SCAPER: variants seen among roughly 807,000 people sequenced by gnomAD.
SCAPER encodes S-phase cyclin A associated protein in the ER.
Under a neutral mutation model 182.2 loss-of-function variants are expected in SCAPER, and 98 were observed. The observed-to-expected ratio is 0.54, with a 90% CI of 0.46 to 0.64. SCAPER has a LOEUF of 0.64. Ranked by LOEUF, SCAPER falls within the 30% of genes least tolerant of loss-of-function variation. SCAPER has a pLI of 0.00. For synonymous variants in SCAPER, 605 were observed against 564.6 expected (o/e 1.07, Z -1.01); for missense variants, 1,432 against 1,690.0 (o/e 0.85, Z 2.68).
chr15:76,767,126 A>T (rs1323310106), intron 10 of SCAPER, 38 bp from the exon 11 acceptor site: 1 of 1,498,890 alleles, frequency 6.7e-7, no homozygotes, highest in Non-Finnish European at 9.0e-7. Context: ...AAGAAAAATG[A>T]TCACTTGACT....
At chr15:76,733,411 T>G in intron 15 of SCAPER, 27 bp from the exon 16 acceptor site, 1 of 1,604,646 alleles carries the variant, frequency 6.2e-7, no homozygotes, top group Non-Finnish European at 8.5e-7. Context: ...AAGGTAAGGT[T>G]CAGATCAAGT....
rs151039403 is a variant in SCAPER, at chr15:76,823,406, G to T, written c.393+18328C>A. Reference sequence around the variant, plus strand: ...ACTTGGGAGGCGGAGGTTCCAGTGAGCCCAGATCACACCACTGCACTCCAG... The same window carrying T: ...ACTTGGGAGGCGGAGGTTCCAGTGATCCCAGATCACACCACTGCACTCCAG... On this transcript the variant is annotated intron_variant, in intron 5 of 31. Coordinates refer to ENST00000563290, the MANE Select transcript of SCAPER (RefSeq NM_020843.4). Among the ~76,000 whole-genome samples, 1,217 of 151,946 alleles carry T rather than the reference G, an allele frequency of 8.0e-3. 13 individuals carry two copies. Among genetic ancestry groups the T allele is most frequent in the African/African-American group, 0.028 (1,153 of 41,402 alleles).
At chr15:76,652,401 T>C (rs1319985669) in intron 21 of SCAPER, among the ~76,000 whole-genome samples, 10 of 58,258 alleles carry the variant, frequency 1.7e-4, no homozygotes, top group African/African-American at 7.1e-4. Context: ...TATATATATA[T>C]AGCACTTTGG....
chr15:76,820,173 C>T (rs1389741668), intron 5 of SCAPER, among the ~76,000 whole-genome samples: 6 of 152,096 alleles, frequency 3.9e-5, no homozygotes, highest in Admixed American at 1.3e-4. Flanking sequence ...TTGTGGAAGT[C>T]GGTGTGGCGA....
At chr15:76,390,240 C>T (rs897466217) in intron 27 of SCAPER, among the ~76,000 whole-genome samples, 3 of 152,172 alleles carry the variant, frequency 2.0e-5, no homozygotes, top group African/African-American at 7.2e-5. Flanking sequence ...CAGCCGTGAG[C>T]CACTGTGCCT....
At chr15:76,574,394 C>G in intron 22 of SCAPER, 110 bp from the exon 23 acceptor site, 1 of 1,260,052 alleles carries the variant, frequency 7.9e-7, no homozygotes, top group South Asian at 1.5e-5. Flanking sequence ...TTTGAAAATG[C>G]TTCACAGAGC....
chr15:76,427,988 T>C (rs1318045366), intron 26 of SCAPER, among the ~76,000 whole-genome samples: 1 of 151,328 alleles, frequency 6.6e-6, no homozygotes, highest in African/African-American at 2.4e-5. Context: ...TAGTCCCATC[T>C]ATTTGGGAGG....
intron 23 of SCAPER, among the ~76,000 whole-genome samples, chr15:76,535,572 G>A: frequency 7.2e-6 from 1 of 139,090 alleles, no homozygotes; most frequent in South Asian, 2.5e-4. Context: ...AATCTTTTCT[G>A]TAAAGGCCCT....
At chr15:76,839,183 C>T (rs1171348344) in intron 5 of SCAPER, among the ~76,000 whole-genome samples, 2 of 152,218 alleles carry the variant, frequency 1.3e-5, no homozygotes, top group Non-Finnish European at 2.9e-5. Flanking sequence ...ATACTTTTCA[C>T]ATCATGCTAT....
chr15:76,486,579 A>G (rs1249500371), intron 24 of SCAPER, among the ~76,000 whole-genome samples: 4 of 152,326 alleles, frequency 2.6e-5, no homozygotes, highest in African/African-American at 7.2e-5. Flanking sequence ...GATGACATAC[A>G]TGCAGCCAAC....
At chr15:76,620,192 T>A (rs987215900) in intron 22 of SCAPER, among the ~76,000 whole-genome samples, 7 of 152,238 alleles carry the variant, frequency 4.6e-5, no homozygotes, top group African/African-American at 1.7e-4. Flanking sequence ...AATTTTTGTA[T>A]GCTAGATATG....
rs749263225 is a variant in SCAPER at position 76,775,113 on chromosome 15, C to T, written c.777G>A (p.Arg259=). Residue 259 remains arginine, a synonymous_variant, in exon 9 of 32, where the codon CGG becomes CGA. Transcript: ENST00000563290. ...CGGTCTCCCATCCTTCAGCATCTTT[C>T]CGTTCTATGCAATTAAAGTAAAAAA... ...TVQKASRKNE[R]KDAEGWETVQ... The T allele has an allele frequency of 6.9e-6, 11 of 1,592,014 alleles. No individual in the cohort carries two copies. The South Asian group carries it at 1.1e-4, about 17-fold the overall frequency.
rs1475509538 is a variant in SCAPER, at chr15:76,603,717, G to A, written c.2711+18047C>T. Among the ~76,000 whole-genome samples, 42 of 120,514 alleles carry A rather than the reference G, an allele frequency of 3.5e-4. 7 individuals carry two copies. The highest frequency in any genetic ancestry group is 8.3e-4 in the African/African-American group (33 of 39,612). 79.1% of individuals were successfully genotyped at this position (120,514 alleles called of 152,430 possible). On this transcript the variant is annotated intron_variant, in intron 22 of 31. Transcript: ENST00000563290. ...GTTGTTTCCTGACTTTTTAATGATC[G>A]CCATTCTAACTGGTGTGAGATGGTA...
chr15:76,902,430 G>A lies in SCAPER; in HGVS notation c.-60+2869C>T, dbSNP rs1046717504. Among the ~76,000 whole-genome samples the A allele has an allele frequency of 1.5e-4, 22 of 149,348 alleles. No homozygotes were observed. In the South Asian group the frequency reaches 1.7e-3, roughly 12 times the overall value. ...TGGGATAATTGGGACCCCAAGCATC[G>A]GCATCAATTTACCCATGTAACAAAT... On this transcript the variant is annotated intron_variant, in intron 1 of 31. Transcript: ENST00000563290.
At chr15:76,588,289 T>C (rs770801381) in intron 22 of SCAPER, among the ~76,000 whole-genome samples, 7 of 152,208 alleles carry the variant, frequency 4.6e-5, no homozygotes, top group African/African-American at 1.2e-4. Context: ...GTTAGGTGCA[T>C]ATATGTTTAG....
At chr15:76,351,467 C>T (rs1256873021) in intron 30 of SCAPER, among the ~76,000 whole-genome samples, 179 bp from the exon 31 acceptor site, 1 of 152,192 alleles carries the variant, frequency 6.6e-6, no homozygotes, top group African/African-American at 2.4e-5. Flanking sequence ...ATAGTAATGA[C>T]TTACATCTTG....
intron 21 of SCAPER, among the ~76,000 whole-genome samples, chr15:76,660,680 TAAC>T (rs1482424597): frequency 7.9e-5 from 12 of 152,148 alleles, no homozygotes; most frequent in Non-Finnish European, 1.0e-4. Context: ...GCTTTCTCCC[TAAC>T]AACAGGATCA....
intron 15 of SCAPER, among the ~76,000 whole-genome samples, chr15:76,753,098 C>G (rs1233283733): frequency 6.6e-6 from 1 of 151,598 alleles, no homozygotes; most frequent in Non-Finnish European, 1.5e-5. Flanking sequence ...ATGCTATACA[C>G]CAATCCACTC....
At chr15:76,602,936 C>T in intron 22 of SCAPER, among the ~76,000 whole-genome samples, 2 of 90,952 alleles carry the variant, frequency 2.2e-5, no homozygotes. Context: ...TTAATTTGAG[C>T]TCATTTATTG....
Sources: allele counts gnomAD v4.1 joint callset (sites outside exome capture counted in the v4.1 genomes callset), GRCh38; gene constraint gnomAD v4.1.1; transcripts MANE v1.5; gene names NCBI Gene and HGNC (gene_info 2026-07-23, HGNC 2026-07-21).